Variants in AIDA observed in about 807,000 individuals in gnomAD.
The protein encoded by AIDA is axin interactor, dorsalization-associated protein.
A neutral mutation model predicts 42.7 loss-of-function variants in AIDA; 18 were observed. That is an observed-to-expected ratio of 0.42 (90% CI 0.29 to 0.63). The LOEUF is 0.63. AIDA is among the 20% of genes least tolerant of loss of function. AIDA has a pLI of 0.19. For synonymous variants in AIDA, 104 were observed against 122.9 expected (o/e 0.85, Z 1.02); for missense variants, 250 against 354.1 (o/e 0.71, Z 2.36).
intron 2 of AIDA, among the ~76,000 whole-genome samples, chr1:222,694,729 C>T (rs957970334): frequency 4.6e-5 from 7 of 152,046 alleles, no homozygotes; most frequent in South Asian, 2.1e-4. Flanking sequence ...TTGTGATAAA[C>T]GGTAGTAAAT....
chr1:222,673,655 A>G (rs899770991), intron 7 of AIDA, among the ~76,000 whole-genome samples: 10 of 151,798 alleles, frequency 6.6e-5, no homozygotes, highest in Admixed American at 2.0e-4. Context: ...GCGGGCGCCT[A>G]TAGTCCCAGC....
intron 1 of AIDA, among the ~76,000 whole-genome samples, chr1:222,705,809 G>GGGA (rs1275271015): frequency 2.4e-4 from 36 of 152,068 alleles, no homozygotes; most frequent in Non-Finnish European, 2.9e-5. Context: ...GCTTGAACCC[G>GGGA]GGAGGCAAAG....
chr1:222,701,045 C>T (rs1295037905), intron 2 of AIDA, among the ~76,000 whole-genome samples: 1 of 147,316 alleles, frequency 6.8e-6, no homozygotes, highest in African/African-American at 2.5e-5. Flanking sequence ...TCACTGCAAT[C>T]TCCGCCTCCC....
In AIDA at chr1:222,687,017, C is replaced by A. The variant is rs1384624691; in HGVS notation, c.373G>T (p.Glu125Ter). ...VPLRRILAPG[E>*]EENLEFEEDE... ...TCTTCAAATTCCAAATTCTCTTCTT[C>A]ACCAGGTGCCAAAATTCTTCTACAC... The change falls in exon 6 of 10, where the codon GAA becomes TAA. Residue 125 changes from glutamate (E) to a stop codon, truncating the protein, a stop_gained. Transcript: ENST00000340020. LOFTEE classifies it high-confidence loss of function. 6.2e-7 allele frequency: 1 copy of A among 1,613,342 alleles called. No homozygotes were observed. The highest frequency in any genetic ancestry group is 1.3e-5 in the African/African-American group (1 of 74,900).
chr1:222,671,985 C>T (rs1380531069), intron 8 of AIDA, among the ~76,000 whole-genome samples: 2 of 152,158 alleles, frequency 1.3e-5, no homozygotes, highest in African/African-American at 4.8e-5. Flanking sequence ...TCTGTATCAC[C>T]TGTAAATAAT....
At chr1:222,684,266 C>T (rs1664702985) in intron 6 of AIDA, among the ~76,000 whole-genome samples, 1 of 152,064 alleles carries the variant, frequency 6.6e-6, no homozygotes. Context: ...TGCCCACCAC[C>T]ACGCCTGGCT....
intron 7 of AIDA, among the ~76,000 whole-genome samples, chr1:222,675,307 A>C (rs1318065851): frequency 6.6e-6 from 1 of 152,212 alleles, no homozygotes; most frequent in African/African-American, 2.4e-5. Context: ...TCACCCAATA[A>C]TTATTTTTAA....
In AIDA at chr1:222,669,807, T is replaced by G; in HGVS notation, c.*86A>C. On this transcript the variant is annotated 3_prime_UTR_variant, in exon 10 of 10. Coordinates refer to ENST00000340020, the MANE Select transcript of AIDA (RefSeq NM_022831.4). ...CTGGGTACGGCTTGCTTCCTGCCTG[T>G]TGAAGGGTGAATATGCTACACAGAG... The G allele has an allele frequency of 7.8e-7, 1 of 1,277,966 alleles. No homozygotes were observed. Among genetic ancestry groups the G allele is most frequent in the Non-Finnish European group, 1.1e-6 (1 of 919,568 alleles). 79.2% of individuals were successfully genotyped at this position (1,277,966 alleles called of 1,614,324 possible). A position where few individuals can be genotyped will look rare whatever the true frequency, so the allele number is the denominator to read the frequency against.
At chr1:222,678,297 C>T (rs1420201405) in intron 6 of AIDA, among the ~76,000 whole-genome samples, 1 of 150,850 alleles carries the variant, frequency 6.6e-6, no homozygotes, top group Non-Finnish European at 1.5e-5. Flanking sequence ...GTTGTCACAA[C>T]TTAAAATTTT....
intron 7 of AIDA, among the ~76,000 whole-genome samples, chr1:222,675,240 C>A (rs1664522937): frequency 6.6e-6 from 1 of 152,162 alleles, no homozygotes; most frequent in Admixed American, 6.5e-5. Flanking sequence ...TAAAGTAAAC[C>A]ACTTGGATTA....
chr1:222,686,804 T>A, intron 6 of AIDA, 126 bp downstream of exon 6: 2 of 1,134,784 alleles, frequency 1.8e-6, no homozygotes, highest in South Asian at 3.3e-5. Flanking sequence ...CCAATAAAAT[T>A]TGCCTAAGAT....
At chr1:222,706,352 C>G (rs2124970305) in intron 1 of AIDA, among the ~76,000 whole-genome samples, 1 of 152,178 alleles carries the variant, frequency 6.6e-6, no homozygotes, top group South Asian at 2.1e-4. Context: ...AATATATGTC[C>G]ATGCAAAGAC....
intron 8 of AIDA, among the ~76,000 whole-genome samples, chr1:222,672,915 A>T (rs1229131755): frequency 6.6e-6 from 1 of 152,182 alleles, no homozygotes; most frequent in Non-Finnish European, 1.5e-5. Flanking sequence ...ATTTCCTAAC[A>T]ATTAACTGCA....
chr1:222,712,136 G>C, intron 1 of AIDA, 72 bp downstream of exon 1: 2 of 1,546,700 alleles, frequency 1.3e-6, no homozygotes. Context: ...GGTGATGAGA[G>C]ACACCGACAG....
chr1:222,687,898 G>T (rs1655243344), intron 4 of AIDA, among the ~76,000 whole-genome samples: 1 of 152,128 alleles, frequency 6.6e-6, no homozygotes, highest in Non-Finnish European at 1.5e-5. Flanking sequence ...TCCAAGAAGA[G>T]TAAGTTCCAG....
In AIDA at chr1:222,685,378, G is replaced by GT. The variant is rs767128440; in HGVS notation, c.460+1551dup. ...ACACAGGTGCAAAGTCACTCAACTA[G>GT]TAATTGGCAGAGCCCAGACTCAAAA... On this transcript the variant is annotated intron_variant, in intron 6 of 9. Transcript: ENST00000340020. Among the ~76,000 whole-genome samples the GT allele has an allele frequency of 1.6e-4, 25 of 152,294 alleles. 1 individual carries two copies. In the East Asian group the frequency reaches 4.6e-3, roughly 28 times the overall value.
chr1:222,704,723 G>A (rs1346107577), intron 1 of AIDA, among the ~76,000 whole-genome samples: 2 of 152,118 alleles, frequency 1.3e-5, no homozygotes, highest in East Asian at 3.9e-4. Context: ...GAATTAGACA[G>A]TGGAAATGGT....
intron 2 of AIDA, among the ~76,000 whole-genome samples, chr1:222,699,883 T>C (rs1379527568): frequency 2.0e-5 from 3 of 152,028 alleles, no homozygotes; most frequent in East Asian, 1.9e-4. Context: ...GCCATTCTCC[T>C]GCCTCAGCCT....
At chr1:222,697,816 C>G (rs1046426215) in intron 2 of AIDA, among the ~76,000 whole-genome samples, 5 of 151,480 alleles carry the variant, frequency 3.3e-5, no homozygotes, top group Non-Finnish European at 7.4e-5. Context: ...AGCCAGTAAT[C>G]TACTGTCCAG....
Sources: allele counts gnomAD v4.1 joint callset (sites outside exome capture counted in the v4.1 genomes callset), GRCh38; gene constraint gnomAD v4.1.1; transcripts MANE v1.5; gene names NCBI Gene and HGNC (gene_info 2026-07-23, HGNC 2026-07-21).